Variants in SOCS5 observed in about 807,000 individuals in gnomAD.
SOCS5 encodes CIS-6.
A neutral mutation model predicts 42.8 loss-of-function variants in SOCS5; 32 were observed. The ratio of observed to expected loss-of-function variants is 0.75; its 90% CI spans 0.56 to 1.01. The LOEUF is 1.01. Among genes scored for constraint, SOCS5 ranks in the 50% least tolerant of loss-of-function variants. The pLI is 0.00. For synonymous variants in SOCS5, 283 were observed against 229.6 expected, an observed-to-expected ratio of 1.23 and a Z score of -2.10; for missense variants, 627 against 653.0, an observed-to-expected ratio of 0.96 and a Z score of 0.43.
rs367590757 is a variant in SOCS5 at position 46,759,911 on chromosome 2, G to T, written c.1381G>T (p.Asp461Tyr). Residue 461 changes from aspartate to tyrosine, a missense_variant, in exon 2 of 2, where the codon GAT (aspartate) becomes TAT (tyrosine). This residue lies in a region of SOCS5 where 340 missense variants were observed against 367.6 expected (regional missense o/e 0.92). Transcript: ENST00000394861. ...AACGGGACTTTTAGAACATTATAAAGATCCCAGTTCGTGCATGTTTTTTGA... is the reference window on the plus strand; with the variant it reads ...AACGGGACTTTTAGAACATTATAAATATCCCAGTTCGTGCATGTTTTTTGA... The part of the protein sequence containing the change: ...TVTGLLEHYK[D>Y]PSSCMFFEPL... The T allele has an allele frequency of 1.4e-5, 23 of 1,613,988 alleles. No homozygotes were observed. The highest frequency in any genetic ancestry group is 2.5e-6 in the Non-Finnish European group (3 of 1,180,016).
At position 46,755,105 on chromosome 2, in the gene SOCS5, A is replaced by G. The variant is rs553958870; in HGVS notation, c.-12-3414A>G. ...CAGCTGAGAAGTCTAGATAGACTGA[A>G]GAAGAGGAAGGATTTGAGTTGTCAC... is the stretch of plus-strand genomic sequence containing the variant. On this transcript the variant is annotated intron_variant, in intron 1 of 1. Coordinates refer to ENST00000394861, the MANE Select transcript of SOCS5 (RefSeq NM_144949.3). Among the ~76,000 whole-genome samples the G allele has an allele frequency of 9.2e-5, 14 of 152,282 alleles. No homozygotes were observed. In the South Asian group the frequency reaches 2.3e-3, roughly 25 times the overall value.
chr2:46,727,816 C>A (rs1175164866), intron 1 of SOCS5, among the ~76,000 whole-genome samples: 1 of 152,134 alleles, frequency 6.6e-6, no homozygotes, highest in Non-Finnish European at 1.5e-5. Context: ...CAGCAATTTC[C>A]TTTATACTTT....
At chr2:46,700,399 C>T (rs1162355589) in intron 1 of SOCS5, among the ~76,000 whole-genome samples, 1 of 152,174 alleles carries the variant, frequency 6.6e-6, no homozygotes, top group East Asian at 1.9e-4. Context: ...TTGTAGCAAC[C>T]TCTCTATCCA....
chr2:46,756,288 A>G (rs1673727872), intron 1 of SOCS5, among the ~76,000 whole-genome samples: 1 of 152,202 alleles, frequency 6.6e-6, no homozygotes, highest in Non-Finnish European at 1.5e-5. Flanking sequence ...TGGCTCTTCT[A>G]GTGTCTAGAG....
chr2:46,754,765 A>G (rs1202383453), intron 1 of SOCS5, among the ~76,000 whole-genome samples: 1 of 152,222 alleles, frequency 6.6e-6, no homozygotes, highest in African/African-American at 2.4e-5. Flanking sequence ...CAATTAGATA[A>G]TAATAGATCC....
At chr2:46,701,358 A>T (rs1056361371) in intron 1 of SOCS5, among the ~76,000 whole-genome samples, 1 of 152,166 alleles carries the variant, frequency 6.6e-6, no homozygotes, top group Non-Finnish European at 1.5e-5. Context: ...TGGAAAAAAG[A>T]TGTATGTGTA....
chr2:46,744,610 C>G (rs1049406128), intron 1 of SOCS5, among the ~76,000 whole-genome samples: 3 of 151,694 alleles, frequency 2.0e-5, no homozygotes, highest in African/African-American at 7.3e-5. Context: ...TCACTGCAAC[C>G]TCTGCCTCCC....
At chr2:46,710,953 G>A (rs1284826637) in intron 1 of SOCS5, among the ~76,000 whole-genome samples, 1 of 152,076 alleles carries the variant, frequency 6.6e-6, no homozygotes, top group Non-Finnish European at 1.5e-5. Flanking sequence ...GTACTCTTTT[G>A]AGTCTGGCTT....
chr2:46,702,495 G>C (rs1672366307), intron 1 of SOCS5, among the ~76,000 whole-genome samples: 1 of 152,188 alleles, frequency 6.6e-6, no homozygotes, highest in Non-Finnish European at 1.5e-5. Context: ...TTGATTTGCA[G>C]ATATTCCAGT....
intron 1 of SOCS5, among the ~76,000 whole-genome samples, chr2:46,750,356 T>A (rs186520289): frequency 6.6e-6 from 1 of 151,388 alleles, no homozygotes; most frequent in African/African-American, 2.4e-5. Flanking sequence ...AAATACTTAC[T>A]TTTTTTTTAA....
At chr2:46,705,492 GA>G (rs1237401248) in intron 1 of SOCS5, among the ~76,000 whole-genome samples, 1 of 152,218 alleles carries the variant, frequency 6.6e-6, no homozygotes, top group East Asian at 1.9e-4. Context: ...ATTGTTGAAG[GA>G]CAGTGTGAAG....
At chr2:46,703,267 G>C (rs2103686092) in intron 1 of SOCS5, among the ~76,000 whole-genome samples, 1 of 152,198 alleles carries the variant, frequency 6.6e-6, no homozygotes, top group East Asian at 1.9e-4. Flanking sequence ...TGGTACTTCA[G>C]ATGATAAATA....
At chr2:46,710,460 A>T (rs1259070702) in intron 1 of SOCS5, among the ~76,000 whole-genome samples, 1 of 152,190 alleles carries the variant, frequency 6.6e-6, no homozygotes, top group Non-Finnish European at 1.5e-5. Flanking sequence ...TAATTTTTTT[A>T]AAAAGTGGAA....
chr2:46,755,236 A>G (rs1673707807), intron 1 of SOCS5, among the ~76,000 whole-genome samples: 1 of 152,200 alleles, frequency 6.6e-6, no homozygotes, highest in Non-Finnish European at 1.5e-5. Context: ...TTCTCTCTCA[A>G]TGTATTCTTA....
At chr2:46,752,954 A>G (rs778941146) in intron 1 of SOCS5, among the ~76,000 whole-genome samples, 1 of 152,122 alleles carries the variant, frequency 6.6e-6, no homozygotes, top group East Asian at 1.9e-4. Flanking sequence ...TGAACATCTC[A>G]TAGCCATCTC....
At chr2:46,735,832 T>C (rs1419609238) in intron 1 of SOCS5, among the ~76,000 whole-genome samples, 1 of 152,112 alleles carries the variant, frequency 6.6e-6, no homozygotes, top group Non-Finnish European at 1.5e-5. Flanking sequence ...TTCTCCATTA[T>C]GTGAAAAGAA....
chr2:46,743,806 A>C (rs1673431270), intron 1 of SOCS5, among the ~76,000 whole-genome samples: 1 of 152,188 alleles, frequency 6.6e-6, no homozygotes, highest in Admixed American at 6.5e-5. Context: ...ATTTAAACAA[A>C]GGCCTTCCAT....
At chr2:46,715,603 C>T (rs557944421) in intron 1 of SOCS5, among the ~76,000 whole-genome samples, 52 of 152,178 alleles carry the variant, frequency 3.4e-4, no homozygotes, top group African/African-American at 1.1e-3. Flanking sequence ...GGATCCCCTC[C>T]GCCCACCATC....
At chr2:46,710,798 C>T (rs1196556150) in intron 1 of SOCS5, among the ~76,000 whole-genome samples, 1 of 152,202 alleles carries the variant, frequency 6.6e-6, no homozygotes, top group Non-Finnish European at 1.5e-5. Context: ...TTTATGATTT[C>T]TGTCATCCAG....
Sources: gnomAD v4.1 joint callset for allele counts (sites outside exome capture counted in the v4.1 genomes callset) on GRCh38, gnomAD v4.1.1 for gene constraint, gnomAD v4.1.1 regional missense constraint, MANE v1.5 for transcripts, NCBI Gene and HGNC (gene_info 2026-07-23, HGNC 2026-07-21) for gene names.